Variants in SPATA31G1 observed in about 807,000 individuals in gnomAD.
The protein encoded by SPATA31G1 is spermatogenesis-associated protein 31G1.
At chr9:35,043,355 G>A in the SPATA31G1 span, 1 of 1,614,152 alleles carries the variant, frequency 6.2e-7, no homozygotes, top group Non-Finnish European at 8.5e-7. Flanking sequence ...CCAACCTGTT[G>A]CTTCCCCAGT....
At chr9:35,042,807 C>T in the SPATA31G1 span, 3 of 1,573,072 alleles carry the variant, frequency 1.9e-6, no homozygotes, top group African/African-American at 2.7e-5. Flanking sequence ...TCATAGCAAA[C>T]CTTGTGTATC....
chr9:35,042,606 AC>A, the SPATA31G1 span: 1 of 1,454,632 alleles, frequency 6.9e-7, no homozygotes, highest in Non-Finnish European at 9.4e-7. Flanking sequence ...TGGGTGAGTA[AC>A]CACTGACACT....
chr9:35,043,261 T>A, the SPATA31G1 span: 6 of 1,614,190 alleles, frequency 3.7e-6, no homozygotes, highest in Non-Finnish European at 4.2e-6. Context: ...GAGGCCATCT[T>A]CCTGAGCTCA....
At chr9:35,043,665 T>C in the SPATA31G1 span, 2 of 1,613,994 alleles carry the variant, frequency 1.2e-6, no homozygotes, top group African/African-American at 1.3e-5. Flanking sequence ...CCCCTGCCAA[T>C]CCCCAGCTTC....
At chr9:35,042,370 C>T in the SPATA31G1 span, 3 of 1,614,098 alleles carry the variant, frequency 1.9e-6, no homozygotes, top group East Asian at 4.5e-5. Flanking sequence ...TTCCAGAGTC[C>T]AGGAAATCTG....
At chr9:35,042,938 A>AGAAGAG in the SPATA31G1 span, 1 of 1,613,914 alleles carries the variant, frequency 6.2e-7, no homozygotes, top group Non-Finnish European at 8.5e-7. Flanking sequence ...AAGAAGGGGA[A>AGAAGAG]GAAGAGGAAG....
the SPATA31G1 span, chr9:35,042,287 T>C: frequency 6.2e-7 from 1 of 1,614,120 alleles, no homozygotes. Context: ...TGCTTGGGGC[T>C]AAGGGGGATA....
chr9:35,043,080 G>A, the SPATA31G1 span: 157 of 1,614,028 alleles, frequency 9.7e-5, 1 homozygote, highest in South Asian at 1.0e-3. Context: ...CAAGGCTATA[G>A]GGATACCAGA....
chr9:35,043,708 G>A, the SPATA31G1 span: 2 of 1,614,154 alleles, frequency 1.2e-6, no homozygotes, highest in South Asian at 1.1e-5. Flanking sequence ...AGCCCTGAAG[G>A]AGGACTTGCT....
chr9:35,045,187 C>T, the SPATA31G1 span: 1 of 1,614,160 alleles, frequency 6.2e-7, no homozygotes, highest in South Asian at 1.1e-5. Context: ...GTTCAGCGCA[C>T]AGTACCTCAG....
chr9:35,043,542 C>G, the SPATA31G1 span: 1 of 1,614,126 alleles, frequency 6.2e-7, no homozygotes, highest in Non-Finnish European at 8.5e-7. Context: ...CGCTGAGGCA[C>G]CCACACAGTC....
chr9:35,045,136 C>T, the SPATA31G1 span: 1 of 1,614,132 alleles, frequency 6.2e-7, no homozygotes, highest in Non-Finnish European at 8.5e-7. Flanking sequence ...ATTTATCCCC[C>T]CAATCCATGC....
the SPATA31G1 span, chr9:35,045,926 G>A: frequency 1.2e-5 from 18 of 1,508,268 alleles, no homozygotes; most frequent in South Asian, 1.6e-4. Context: ...CAAACCAGGG[G>A]GAAGGTGGGG....
the SPATA31G1 span, chr9:35,045,025 C>A: frequency 1.2e-6 from 2 of 1,614,102 alleles, no homozygotes; most frequent in Non-Finnish European, 1.7e-6. Flanking sequence ...CAGAGCCCTG[C>A]CTCCAGAGCC....
the SPATA31G1 span, chr9:35,045,047 T>A: frequency 3.1e-6 from 5 of 1,614,102 alleles, no homozygotes; most frequent in Admixed American, 6.7e-5. Context: ...CTGGCCCAAG[T>A]CAATCATTTT....
chr9:35,043,658 C>G, the SPATA31G1 span: 1 of 1,614,224 alleles, frequency 6.2e-7, no homozygotes, highest in Non-Finnish European at 8.5e-7. Flanking sequence ...TGCCACCCCC[C>G]TGCCAATCCC....
the SPATA31G1 span, chr9:35,043,653 C>A: frequency 1.2e-5 from 19 of 1,614,172 alleles, no homozygotes; most frequent in Admixed American, 1.7e-5. Flanking sequence ...TCCGATGCCA[C>A]CCCCCTGCCA....
the SPATA31G1 span, chr9:35,045,042 C>A: frequency 1.9e-6 from 3 of 1,614,170 alleles, no homozygotes; most frequent in South Asian, 1.1e-5. Context: ...AGCCCCTGGC[C>A]CAAGTCAATC....
At chr9:35,045,059 C>T in the SPATA31G1 span, 3 of 1,614,238 alleles carry the variant, frequency 1.9e-6, no homozygotes, top group Non-Finnish European at 2.5e-6. Flanking sequence ...AATCATTTTG[C>T]AGCTCCCCTA....
Sources: gnomAD v4.1 joint callset for allele counts on GRCh38, gnomAD v4.1.1 for gene constraint, MANE v1.5 for transcripts, NCBI Gene and HGNC (gene_info 2026-07-23, HGNC 2026-07-21) for gene names.